Variants in PRKG1 observed in about 807,000 individuals in gnomAD.
PRKG1 encodes protein kinase cGMP-dependent 1.
Under a neutral mutation model 88.1 loss-of-function variants are expected in PRKG1, and 35 were observed. That is an observed-to-expected ratio of 0.40 (90% CI 0.30 to 0.53). The LOEUF (loss-of-function observed/expected upper bound fraction) is 0.53, where lower values mean the gene tolerates loss of function less well. PRKG1 is among the 20% of genes least tolerant of loss of function. The probability of loss-of-function intolerance (pLI) is 0.59; values close to 1 mark genes in which losing one functional copy is unlikely to be tolerated. For synonymous variants in PRKG1, 303 were observed against 292.5 expected, an observed-to-expected ratio of 1.04 and a Z score of -0.37; for missense variants, 540 against 839.8, an observed-to-expected ratio of 0.64 and a Z score of 4.41.
intron 5 of PRKG1, among the ~76,000 whole-genome samples, chr10:51,983,218 A>G (rs1307337662): frequency 6.6e-6 from 1 of 152,044 alleles, no homozygotes; most frequent in Non-Finnish European, 1.5e-5. Flanking sequence ...TGGTGGTCCA[A>G]TAGGGGATCA....
At chr10:51,850,503 A>ATATATG (rs1205074946) in intron 4 of PRKG1, among the ~76,000 whole-genome samples, 1 of 150,928 alleles carries the variant, frequency 6.6e-6, no homozygotes, top group African/African-American at 2.5e-5. Flanking sequence ...ATATATATAT[A>ATATATG]TGTATATGTA....
At chr10:51,644,039 A>C (rs1320935665) in intron 3 of PRKG1, among the ~76,000 whole-genome samples, 2 of 152,192 alleles carry the variant, frequency 1.3e-5, no homozygotes, top group African/African-American at 4.8e-5. Flanking sequence ...CATGCCTATC[A>C]TATGGGTCTC....
At chr10:51,547,157 T>A (rs945537703) in intron 3 of PRKG1, among the ~76,000 whole-genome samples, 16 of 152,122 alleles carry the variant, frequency 1.1e-4, no homozygotes, top group African/African-American at 3.9e-4. Context: ...ATGACTTTTA[T>A]AAATTTGGAA....
chr10:51,959,490 G>A (rs556724136), intron 5 of PRKG1, among the ~76,000 whole-genome samples: 96 of 152,246 alleles, frequency 6.3e-4, no homozygotes, highest in African/African-American at 2.2e-3. Context: ...GGAAGGGTAA[G>A]CATTGCTTAG....
chr10:51,281,482 G>T (rs1430564801), intron 2 of PRKG1, among the ~76,000 whole-genome samples: 3 of 152,310 alleles, frequency 2.0e-5, no homozygotes, highest in Admixed American at 1.3e-4. Flanking sequence ...ACAGCAGTCT[G>T]AGATGGAACT....
intron 1 of PRKG1, among the ~76,000 whole-genome samples, chr10:51,086,848 G>A (rs1844264131): frequency 6.6e-6 from 1 of 152,182 alleles, no homozygotes; most frequent in African/African-American, 2.4e-5. Flanking sequence ...TGCTATGTAA[G>A]TCATCTATCG....
chr10:52,081,281 T>C (rs1323464442), intron 7 of PRKG1, among the ~76,000 whole-genome samples: 1 of 152,196 alleles, frequency 6.6e-6, no homozygotes, highest in African/African-American at 2.4e-5. Flanking sequence ...CTGATTGACT[T>C]GTTCCATTAT....
At chr10:51,478,847 A>G (rs1840275067) in intron 3 of PRKG1, among the ~76,000 whole-genome samples, 1 of 152,078 alleles carries the variant, frequency 6.6e-6, no homozygotes, top group African/African-American at 2.4e-5. Context: ...TTAAAATATC[A>G]AAAGTAGAAT....
intron 3 of PRKG1, among the ~76,000 whole-genome samples, chr10:51,798,495 A>G (rs1318104814): frequency 6.6e-6 from 1 of 151,990 alleles, no homozygotes; most frequent in Non-Finnish European, 1.5e-5. Context: ...CCCAAAACAT[A>G]AAATTTACTT....
chr10:51,638,666 G>A (rs1157165416), intron 3 of PRKG1, among the ~76,000 whole-genome samples: 1 of 152,152 alleles, frequency 6.6e-6, no homozygotes, highest in Non-Finnish European at 1.5e-5. Flanking sequence ...AAGCACAAGA[G>A]TTACAATGGG....
chr10:51,632,710 A>G (rs1043440341), intron 3 of PRKG1, among the ~76,000 whole-genome samples: 5 of 152,208 alleles, frequency 3.3e-5, no homozygotes, highest in African/African-American at 9.6e-5. Flanking sequence ...AGCTAAAAAT[A>G]TGCTCTATTT....
At chr10:52,071,923 T>C (rs1383893132) in intron 7 of PRKG1, among the ~76,000 whole-genome samples, 1 of 152,206 alleles carries the variant, frequency 6.6e-6, no homozygotes, top group East Asian at 1.9e-4. Flanking sequence ...AGAAAGACTC[T>C]TGACATTTAC....
intron 3 of PRKG1, among the ~76,000 whole-genome samples, chr10:51,753,564 T>C (rs955779185): frequency 5.3e-5 from 8 of 152,172 alleles, no homozygotes; most frequent in African/African-American, 1.9e-4. Context: ...TATCATTAAA[T>C]TGATAGGCAT....
chr10:51,337,052 C>A (rs1450265347), intron 2 of PRKG1, among the ~76,000 whole-genome samples: 39 of 152,096 alleles, frequency 2.6e-4, no homozygotes, highest in Admixed American at 2.6e-3. Flanking sequence ...GGTACTGTTA[C>A]AAAAGCAGAC....
At chr10:51,831,140 G>A (rs1047245983) in intron 4 of PRKG1, among the ~76,000 whole-genome samples, 1 of 151,848 alleles carries the variant, frequency 6.6e-6, no homozygotes, top group Admixed American at 6.6e-5. Flanking sequence ...CCTGTTCTTA[G>A]GTATATTTAA....
intron 4 of PRKG1, among the ~76,000 whole-genome samples, chr10:51,813,674 A>G (rs1232040790): frequency 6.6e-6 from 1 of 152,166 alleles, no homozygotes; most frequent in Non-Finnish European, 1.5e-5. Context: ...TACTGCCTCA[A>G]TAAATTCTGG....
chr10:51,718,507 A>G (rs1178895752), intron 3 of PRKG1, among the ~76,000 whole-genome samples: 3 of 152,212 alleles, frequency 2.0e-5, no homozygotes, highest in African/African-American at 7.2e-5. Flanking sequence ...ATTTTCTTCT[A>G]AAGGGTAGCC....
At chr10:51,710,712 A>G (rs921499141) in intron 3 of PRKG1, among the ~76,000 whole-genome samples, 2 of 152,258 alleles carry the variant, frequency 1.3e-5, no homozygotes, top group African/African-American at 4.8e-5. Flanking sequence ...TTAAATTTAA[A>G]TATCATTGTG....
intron 3 of PRKG1, among the ~76,000 whole-genome samples, chr10:51,637,543 A>T (rs1227645998): frequency 1.3e-5 from 2 of 152,232 alleles, no homozygotes; most frequent in East Asian, 1.9e-4. Flanking sequence ...GATAGACTAG[A>T]TAAAGAAAAT....
Sources: allele counts gnomAD v4.1 joint callset (sites outside exome capture counted in the v4.1 genomes callset), GRCh38; gene constraint gnomAD v4.1.1; transcripts MANE v1.5; gene names NCBI Gene and HGNC (gene_info 2026-07-23, HGNC 2026-07-21).